Variants in BMP6 observed in about 807,000 individuals in gnomAD.
BMP6 encodes the protein bone morphogenetic protein 6, also known as VG-1-R.
Under a neutral mutation model 54.1 loss-of-function variants are expected in BMP6, and 17 were observed. The ratio of observed to expected loss-of-function variants is 0.31; its 90% confidence interval spans 0.22 to 0.47. The LOEUF is 0.47. Ranked by LOEUF, BMP6 falls within the 20% of genes least tolerant of loss-of-function variation. The pLI is 1.00. For synonymous variants in BMP6, 328 were observed against 291.2 expected, an observed-to-expected ratio of 1.13 and a Z score of -1.28; for missense variants, 720 against 690.4, an observed-to-expected ratio of 1.04 and a Z score of -0.48.
chr6:7,729,794 C>T (rs76162225), intron 1 of BMP6, among the ~76,000 whole-genome samples: 6,177 of 152,034 alleles, frequency 0.041, 417 homozygotes, highest in African/African-American at 0.14. Flanking sequence ...TAGGGGGGAA[C>T]GCCTTAAAAA....
At chr6:7,749,587 C>G (rs1757392086) in intron 1 of BMP6, among the ~76,000 whole-genome samples, 2 of 152,178 alleles carry the variant, frequency 1.3e-5, no homozygotes, top group Non-Finnish European at 2.9e-5. Context: ...ACACCTATCT[C>G]TATGGTCATG....
At position 7,862,344 on chromosome 6, in the gene BMP6, C is replaced by T. The variant is rs545723053; in HGVS notation, c.1050C>T (p.Asp350=). 26 of 1,614,100 alleles carry T rather than the reference C, an allele frequency of 1.6e-5. No individual in the cohort carries two copies. Among genetic ancestry groups the T allele is most frequent in the East Asian group, 2.2e-5 (1 of 44,892 alleles). The change falls in exon 4 of 7, where the codon GAC becomes GAT. Residue 350 remains aspartate, a synonymous_variant. Coordinates refer to ENST00000283147, the MANE Select transcript of BMP6 (RefSeq NM_001718.6). The part of the protein sequence containing the change: ...HPRAAGLVGR[D]GPYDKQPFMV... ...GAGCCGCAGGCCTGGTGGGCAGAGACGGCCCTTACGACAAGCAGCCCTTCA... is the reference window on the plus strand; with the variant it reads ...GAGCCGCAGGCCTGGTGGGCAGAGATGGCCCTTACGACAAGCAGCCCTTCA...
intron 1 of BMP6, among the ~76,000 whole-genome samples, chr6:7,753,064 T>TAAA (rs112535553): frequency 4.0e-5 from 6 of 149,626 alleles, no homozygotes; most frequent in African/African-American, 1.5e-4. Context: ...ATGCTGATGT[T>TAAA]AAAAAAAAAA....
intron 1 of BMP6, among the ~76,000 whole-genome samples, chr6:7,823,793 G>GA (rs1257915187): frequency 1.3e-5 from 2 of 152,192 alleles, no homozygotes; most frequent in Admixed American, 1.3e-4. Flanking sequence ...TCCCTGCTGA[G>GA]AAGCTGCATC....
chr6:7,793,288 A>G (rs753293386), intron 1 of BMP6, among the ~76,000 whole-genome samples: 1 of 151,028 alleles, frequency 6.6e-6, no homozygotes, highest in East Asian at 1.9e-4. Context: ...GTTACATACT[A>G]TATAGTTCCA....
intron 1 of BMP6, among the ~76,000 whole-genome samples, chr6:7,759,901 A>G (rs1409966939): frequency 4.6e-5 from 7 of 151,372 alleles, no homozygotes; most frequent in African/African-American, 1.7e-4. Context: ...ATGGGGTTTC[A>G]CCACATTGGC....
In BMP6 at chr6:7,727,380, C is replaced by T. The variant is rs149500097; in HGVS notation, c.425C>T (p.Ala142Val). The T allele has an allele frequency of 2.5e-6, 4 of 1,608,726 alleles. No individual in the cohort carries two copies. The highest frequency in any genetic ancestry group is 1.3e-5 in the African/African-American group (1 of 74,726). ...CTCTTCATGCTGGATCTGTACAACG[C>T]CCTGTCCGCCGACAACGACGAGGAC... ...APLFMLDLYN[A>V]LSADNDEDGA... Residue 142 changes from alanine to valine, a missense_variant, in exon 1 of 7, where the codon GCC becomes GTC. Around this residue, in one of 3 missense-constraint regions of BMP6, gnomAD observed 650 missense variants for 556.3 expected, o/e 1.17. Coordinates refer to ENST00000283147, the MANE Select transcript of BMP6 (RefSeq NM_001718.6).
chr6:7,737,500 A>G (rs903641828), intron 1 of BMP6, among the ~76,000 whole-genome samples: 9 of 151,702 alleles, frequency 5.9e-5, no homozygotes, highest in African/African-American at 1.9e-4. Context: ...TCTAACACCA[A>G]CTCTTGATTT....
intron 1 of BMP6, among the ~76,000 whole-genome samples, chr6:7,768,257 C>T (rs944854540): frequency 1.3e-5 from 2 of 152,314 alleles, no homozygotes; most frequent in East Asian, 3.9e-4. Flanking sequence ...CTTGGAGGAC[C>T]TGGTCCAGCT....
chr6:7,865,531 T>C (rs541730982), intron 4 of BMP6, among the ~76,000 whole-genome samples: 33 of 152,308 alleles, frequency 2.2e-4, no homozygotes, highest in African/African-American at 7.9e-4. Context: ...CTTCCATTAA[T>C]GGGAGTGGAC....
chr6:7,789,535 A>T (rs1758064527), intron 1 of BMP6, among the ~76,000 whole-genome samples: 1 of 152,238 alleles, frequency 6.6e-6, no homozygotes, highest in Non-Finnish European at 1.5e-5. Context: ...GACCCATGAG[A>T]CGGTAATTCA....
At chr6:7,743,860 T>TAG (rs776704991) in intron 1 of BMP6, among the ~76,000 whole-genome samples, 6 of 152,258 alleles carry the variant, frequency 3.9e-5, no homozygotes, top group Admixed American at 6.5e-5. Context: ...ACTAAACTCT[T>TAG]ACCTAAGTGC....
chr6:7,727,607 T>C lies in BMP6; in HGVS notation c.652T>C (p.Phe218Leu). 6.4e-7 allele frequency: 1 copy of C among 1,556,154 alleles called. No individual in the cohort carries two copies. The highest frequency in any genetic ancestry group is 1.4e-5 in the African/African-American group (1 of 72,586). Residue 218 changes from phenylalanine to leucine, a missense_variant, in exon 1 of 7, where the codon TTT becomes CTT. Coordinates refer to ENST00000283147, the MANE Select transcript of BMP6 (RefSeq NM_001718.6). Reference sequence around the variant, plus strand: ...CAACGACGCGGACATGGTCATGAGCTTTGTGAACCTGGGTAAGGATTTGGG... The same window carrying C: ...CAACGACGCGGACATGGTCATGAGCCTTGTGAACCTGGGTAAGGATTTGGG... The part of the protein sequence containing the change: ...FLNDADMVMS[F>L]VNLVEYDKEF...
At chr6:7,816,685 C>G (rs966682824) in intron 1 of BMP6, among the ~76,000 whole-genome samples, 2 of 152,052 alleles carry the variant, frequency 1.3e-5, no homozygotes, top group African/African-American at 4.8e-5. Context: ...ACTGTGAAAA[C>G]TAGTTTTACT....
chr6:7,812,510 C>T (rs1299235977), intron 1 of BMP6, among the ~76,000 whole-genome samples: 2 of 152,128 alleles, frequency 1.3e-5, no homozygotes, highest in Non-Finnish European at 2.9e-5. Flanking sequence ...ATTTCTTACA[C>T]ATACAGTATA....
chr6:7,813,149 A>ATATATATAT (rs1333428977), intron 1 of BMP6, among the ~76,000 whole-genome samples: 67 of 107,780 alleles, frequency 6.2e-4, no homozygotes, highest in Non-Finnish European at 7.8e-4. Flanking sequence ...ATATATATAT[A>ATATATATAT]AAATTAGTGG....
chr6:7,827,579 G>T (rs1474900861), intron 1 of BMP6, among the ~76,000 whole-genome samples: 1 of 152,082 alleles, frequency 6.6e-6, no homozygotes, highest in African/African-American at 2.4e-5. Context: ...GCAGTAAAAT[G>T]ACAAGGCCGT....
chr6:7,869,123 C>CA lies in BMP6; in HGVS notation c.1204+6626dup, dbSNP rs1266111321. 2.6e-5 allele frequency among the ~76,000 whole-genome samples: 4 copies of CA among 152,256 alleles called. No individual in the cohort carries two copies. In the East Asian group the frequency reaches 7.7e-4, roughly 29 times the overall value. ...TGCAGCGCCCTAGCCCCGTCATACTCACAGCAGCAGCTGCGTGGTGGCCCT... is the reference window on the plus strand; with the variant it reads ...TGCAGCGCCCTAGCCCCGTCATACTCAACAGCAGCAGCTGCGTGGTGGCCCT... On this transcript the variant is annotated intron_variant, in intron 4 of 6. Coordinates refer to ENST00000283147, the MANE Select transcript of BMP6 (RefSeq NM_001718.6).
chr6:7,754,508 G>A (rs2113132962), intron 1 of BMP6, among the ~76,000 whole-genome samples: 1 of 152,170 alleles, frequency 6.6e-6, no homozygotes, highest in South Asian at 2.1e-4. Flanking sequence ...TTTCAGTTCT[G>A]TCATTTATTT....
Sources: allele counts gnomAD v4.1 joint callset (sites outside exome capture counted in the v4.1 genomes callset), GRCh38; gene constraint gnomAD v4.1.1; regional missense constraint gnomAD v4.1.1; transcripts MANE v1.5; gene names NCBI Gene and HGNC (gene_info 2026-07-23, HGNC 2026-07-21).